Variants in GRID1 observed in about 807,000 individuals in gnomAD.
GRID1 encodes glutamate ionotropic receptor delta type subunit 1.
In GRID1, 28 loss-of-function variants were observed where a neutral mutation model predicts 98.0. The observed-to-expected ratio is 0.29, with a 90% CI of 0.21 to 0.39. The LOEUF (loss-of-function observed/expected upper bound fraction) is 0.39. GRID1 is among the 10% of genes least tolerant of loss of function. The probability of loss-of-function intolerance (pLI) is 1.00; values close to 1 mark genes in which losing one functional copy is unlikely to be tolerated. For synonymous variants in GRID1, 553 were observed against 538.5 expected, an observed-to-expected ratio of 1.03 and a Z score of -0.37; for missense variants, 1,111 against 1,340.5, an observed-to-expected ratio of 0.83 and a Z score of 2.67.
chr10:85,815,264 T>A (rs1382908415), intron 8 of GRID1, among the ~76,000 whole-genome samples: 2 of 152,038 alleles, frequency 1.3e-5, no homozygotes, highest in African/African-American at 4.8e-5. Flanking sequence ...AAAAGACATC[T>A]TTTTAAAAAT....
intron 4 of GRID1, among the ~76,000 whole-genome samples, chr10:86,044,883 G>A (rs1338612191): frequency 6.6e-6 from 1 of 152,094 alleles, no homozygotes; most frequent in Non-Finnish European, 1.5e-5. Context: ...GTAGCAAGGA[G>A]CCTTGGTGGA....
intron 4 of GRID1, among the ~76,000 whole-genome samples, chr10:86,083,121 C>T (rs1287845683): frequency 6.6e-6 from 1 of 152,220 alleles, no homozygotes; most frequent in African/African-American, 2.4e-5. Flanking sequence ...TGCAAGTGGA[C>T]TGAAATGTCA....
At chr10:86,112,339 G>A (rs1020771413) in intron 4 of GRID1, among the ~76,000 whole-genome samples, 29 of 152,148 alleles carry the variant, frequency 1.9e-4, no homozygotes, top group Admixed American at 1.8e-3. Context: ...TCTCTTCCCA[G>A]CTCCTCAAGT....
Position 86,231,954 on chromosome 10 carries a change from T to A in GRID1, c.236-25306A>T, listed in dbSNP as rs1201543964. 2.0e-5 allele frequency among the ~76,000 whole-genome samples: 3 copies of A among 152,244 alleles called. No homozygotes were observed. In the East Asian group the frequency reaches 5.8e-4, roughly 29 times the overall value. On this transcript the variant is annotated intron_variant, in intron 2 of 15. Coordinates refer to ENST00000327946, the MANE Select transcript of GRID1 (RefSeq NM_017551.3). ...AATGCTCATTGGGTGAGGGATGGGG[T>A]GAGGGTTGCTCCTATACTGCAAACC...
rs770693495 is a variant in GRID1, at chr10:85,821,539, A to AAAAAAAAAAAAAGCAAACAAAC, written c.1233+32956_1233+32957insGTTTGTTTGCTTTTTTTTTTTT. Among the ~76,000 whole-genome samples, 172 of 97,612 alleles carry AAAAAAAAAAAAAGCAAACAAAC rather than the reference A, an allele frequency of 1.8e-3. 11 individuals are homozygous for AAAAAAAAAAAAAGCAAACAAAC. The highest frequency in any genetic ancestry group is 2.6e-3 in the South Asian group (7 of 2,696). 64.0% of individuals were successfully genotyped at this position (97,612 alleles called of 152,430 possible). Reference sequence around the variant, plus strand: ...CTCAAAAAAAAAAAAAAAAAAAAAAAAAAAAAGAAAACAGATCAATAGTTG... The same window carrying AAAAAAAAAAAAAGCAAACAAAC: ...CTCAAAAAAAAAAAAAAAAAAAAAAAAAAAAAAAAAAAGCAAACAAACAAAAAAGAAAACAGATCAATAGTTG... On this transcript the variant is annotated intron_variant, in intron 8 of 15. Transcript: ENST00000327946.
chr10:85,976,080 G>A (rs1237279970), intron 4 of GRID1, among the ~76,000 whole-genome samples: 4 of 152,136 alleles, frequency 2.6e-5, no homozygotes, highest in Admixed American at 2.0e-4. Context: ...CTTCCGTGAT[G>A]TGTGCCTTGT....
At chr10:86,181,988 C>G (rs191149697) in intron 3 of GRID1, among the ~76,000 whole-genome samples, 1 of 152,288 alleles carries the variant, frequency 6.6e-6, no homozygotes, top group African/African-American at 2.4e-5. Context: ...TGTTGCAGTA[C>G]TTAGAATTTG....
At chr10:86,011,796 A>G (rs1350991082) in intron 4 of GRID1, among the ~76,000 whole-genome samples, 3 of 152,212 alleles carry the variant, frequency 2.0e-5, no homozygotes, top group Non-Finnish European at 4.4e-5. Flanking sequence ...CTCTAAATGA[A>G]GTTGAGATGC....
intron 12 of GRID1, among the ~76,000 whole-genome samples, chr10:85,717,385 T>A (rs1372449152): frequency 6.6e-6 from 1 of 151,314 alleles, no homozygotes; most frequent in Non-Finnish European, 1.5e-5. Context: ...AGAATCATGA[T>A]GGGAGGCAAA....
chr10:86,213,306 TG>T (rs2132024391), intron 2 of GRID1, among the ~76,000 whole-genome samples: 1 of 152,210 alleles, frequency 6.6e-6, no homozygotes, highest in Admixed American at 6.5e-5. Flanking sequence ...TTGGTGACCT[TG>T]GCCACATGGC....
chr10:86,207,815 AGAGACG>A (rs1846054153), intron 2 of GRID1, among the ~76,000 whole-genome samples: 2 of 151,856 alleles, frequency 1.3e-5, no homozygotes, highest in South Asian at 4.2e-4. Context: ...TATTTTTAGT[AGAGACG>A]GAGTTTCACC....
chr10:86,350,115 T>C (rs1848442060), intron 2 of GRID1, among the ~76,000 whole-genome samples: 1 of 152,164 alleles, frequency 6.6e-6, no homozygotes, highest in East Asian at 1.9e-4. Context: ...CCAGGGTAGA[T>C]GCATGCTTGG....
chr10:86,364,122 G>C (rs765310523), intron 1 of GRID1, 26 bp from the exon 2 acceptor site: 4 of 1,605,616 alleles, frequency 2.5e-6, no homozygotes, highest in Non-Finnish European at 3.4e-6. Context: ...GATCAAGACC[G>C]GACCTGGACA....
intron 3 of GRID1, among the ~76,000 whole-genome samples, chr10:86,197,436 G>A (rs1845892061): frequency 6.6e-6 from 1 of 152,098 alleles, no homozygotes; most frequent in Non-Finnish European, 1.5e-5. Flanking sequence ...ACATCTCGCT[G>A]GTACCCTTCC....
chr10:85,723,125 C>A lies in GRID1; in HGVS notation c.1875G>T (p.Val625=), dbSNP rs144860942. 2 of 1,607,862 alleles carry A rather than the reference C, an allele frequency of 1.2e-6. No individual in the cohort carries two copies. Among genetic ancestry groups the A allele is most frequent in the Non-Finnish European group, 1.7e-6 (2 of 1,176,944 alleles). Residue 625 remains valine, a synonymous_variant, in exon 12 of 16, where the codon GTG becomes GTT. Coordinates refer to ENST00000327946, the MANE Select transcript of GRID1 (RefSeq NM_017551.3). Reference sequence around the variant, plus strand: ...TCACGATGCGCATGGCCATGGAGTTCACGGAAGATTCGCCACCTGCGGGAG... The same window carrying A: ...TCACGATGCGCATGGCCATGGAGTTAACGGAAGATTCGCCACCTGCGGGAG... ...AFVQQGGESS[V]NSMAMRIVMG... is the part of the protein sequence containing the mutation.
intron 8 of GRID1, among the ~76,000 whole-genome samples, chr10:85,851,840 T>C (rs1258308837): frequency 6.6e-6 from 1 of 152,130 alleles, no homozygotes; most frequent in Non-Finnish European, 1.5e-5. Context: ...ATCTTGGCAC[T>C]GTTTTGGTGT....
rs147390077 is a variant in GRID1, at chr10:86,191,020, C to A, written c.520+15344G>T. On this transcript the variant is annotated intron_variant, in intron 3 of 15. Transcript: ENST00000327946. ...GTGTGTGAGAAAGAGAGCTCCAGATCTCTGGGCTTTTTATTTCTGTCACCT... is the reference window on the plus strand; with the variant it reads ...GTGTGTGAGAAAGAGAGCTCCAGATATCTGGGCTTTTTATTTCTGTCACCT... Among the ~76,000 whole-genome samples, 133 of 152,360 alleles carry A rather than the reference C, an allele frequency of 8.7e-4. 1 individual carries two copies. Among genetic ancestry groups the A allele is most frequent in the Non-Finnish European group, 1.6e-3 (106 of 68,040 alleles).
intron 2 of GRID1, among the ~76,000 whole-genome samples, chr10:86,328,544 C>T (rs1564740050): frequency 1.3e-5 from 2 of 152,136 alleles, no homozygotes; most frequent in African/African-American, 2.4e-5. Context: ...TGCCAGGTAC[C>T]GAAGCACTTT....
At chr10:85,670,364 C>T (rs7097285) in intron 12 of GRID1, among the ~76,000 whole-genome samples, 1 of 151,988 alleles carries the variant, frequency 6.6e-6, no homozygotes. Flanking sequence ...ATTCTGCCTG[C>T]CCCCTGAATG....
Sources: gnomAD v4.1 joint callset for allele counts (sites outside exome capture counted in the v4.1 genomes callset) on GRCh38, gnomAD v4.1.1 for gene constraint, MANE v1.5 for transcripts, NCBI Gene and HGNC (gene_info 2026-07-23, HGNC 2026-07-21) for gene names.